Variants in SLC51B observed in about 807,000 individuals in gnomAD.
SLC51B encodes organic solute transporter subunit beta.
Under a neutral mutation model 8.0 loss-of-function variants are expected in SLC51B, and 6 were observed. The ratio of observed to expected loss-of-function variants is 0.75; its 90% CI spans 0.41 to 1.48. SLC51B has a LOEUF of 1.48. Ranked by LOEUF, SLC51B falls within the 40% of genes most tolerant of loss-of-function variation. The probability of loss-of-function intolerance (pLI) is 0.01; values close to 1 mark genes in which losing one functional copy is unlikely to be tolerated. For missense variants in SLC51B, 150 were observed against 149.7 expected, an observed-to-expected ratio of 1.00 and a Z score of -0.01; for synonymous variants, 61 against 54.8, an observed-to-expected ratio of 1.11 and a Z score of -0.50.
chr15:65,047,587 G>A (rs1408188254), intron 1 of SLC51B, among the ~76,000 whole-genome samples: 1 of 152,052 alleles, frequency 6.6e-6, no homozygotes. Context: ...ATGGCACAGG[G>A]GCCTGTGGCT....
At chr15:65,048,049 T>C (rs1198597172) in intron 1 of SLC51B, among the ~76,000 whole-genome samples, 1 of 152,076 alleles carries the variant, frequency 6.6e-6, no homozygotes, top group Non-Finnish European at 1.5e-5. Context: ...CGTGGTGGCA[T>C]GCCCTGTAGT....
rs1398608898 is a variant in SLC51B at position 65,051,575 on chromosome 15, T to G, written c.158T>G (p.Val53Gly). 6.2e-7 allele frequency: 1 copy of G among 1,613,554 alleles called. No individual in the cohort carries two copies. Among genetic ancestry groups the G allele is most frequent in the Non-Finnish European group, 8.5e-7 (1 of 1,179,724 alleles). ...GCTGTGGTGGTCATTATAAGCATGG[T>G]CCTCCTGGGAAGAAGCATCCAGGCA... is the stretch of plus-strand genomic sequence containing the variant. ...LAAVVVIISM[V>G]LLGRSIQASR... The change falls in exon 3 of 4, where the codon GTC (valine) becomes GGC (glycine). Residue 53 changes from valine to glycine, a missense_variant. Val to Gly is a moderately radical substitution (Grantham distance 109, BLOSUM62 -3). Transcript: ENST00000334287.
At chr15:65,050,652 A>T (rs111573357) in intron 2 of SLC51B, among the ~76,000 whole-genome samples, 39 of 152,070 alleles carry the variant, frequency 2.6e-4, no homozygotes, top group Non-Finnish European at 5.3e-4. Flanking sequence ...ACATTCCTGG[A>T]GGGAGGACAG....
At position 65,051,540 on chromosome 15, in the gene SLC51B, T is replaced by G; in HGVS notation, c.123T>G (p.Leu41=). The change falls in exon 3 of 4, where the codon CTT becomes CTG. Residue 41 remains leucine, a synonymous_variant. Coordinates refer to ENST00000334287, the MANE Select transcript of SLC51B (RefSeq NM_178859.4). ...CATCTCCCTGGAATCATTCCATCCTTGCCCTGGCAGCTGTGGTGGTCATTA... is the reference window on the plus strand; with the variant it reads ...CATCTCCCTGGAATCATTCCATCCTGGCCCTGGCAGCTGTGGTGGTCATTA... ...EDASPWNHSI[L]ALAAVVVIIS... 1.2e-6 allele frequency: 2 copies of G among 1,613,714 alleles called. No individual in the cohort carries two copies. The highest frequency in any genetic ancestry group is 1.7e-6 in the Non-Finnish European group (2 of 1,179,762).
chr15:65,048,636 C>T (rs529196775), intron 1 of SLC51B, among the ~76,000 whole-genome samples: 4 of 152,160 alleles, frequency 2.6e-5, no homozygotes, highest in Non-Finnish European at 4.4e-5. Context: ...ATTTTAGTTA[C>T]GTTTATCTCC....
At chr15:65,050,655 G>T (rs999517089) in intron 2 of SLC51B, among the ~76,000 whole-genome samples, 2 of 152,092 alleles carry the variant, frequency 1.3e-5, no homozygotes, top group Admixed American at 1.3e-4. Context: ...TTCCTGGAGG[G>T]AGGACAGCAA....
At chr15:65,045,797 A>G (rs1253894155) in intron 1 of SLC51B, among the ~76,000 whole-genome samples, 3 of 152,286 alleles carry the variant, frequency 2.0e-5, no homozygotes, top group Non-Finnish European at 4.4e-5. Flanking sequence ...CAAATAAGGC[A>G]TAAAGTTTAA....
chr15:65,051,756 C>A, intron 3 of SLC51B, 151 bp downstream of exon 3: 1 of 590,050 alleles, frequency 1.7e-6, no homozygotes, highest in Non-Finnish European at 2.9e-6. Flanking sequence ...TTCGAGAACC[C>A]CAAGCTGTTA....
chr15:65,052,451 A>C (rs985916298), intron 3 of SLC51B, among the ~76,000 whole-genome samples: 9 of 126,928 alleles, frequency 7.1e-5, no homozygotes, highest in African/African-American at 9.3e-5. Flanking sequence ...CCCAGGATGG[A>C]GTGCAGTGGC....
chr15:65,052,010 C>T (rs574625072), intron 3 of SLC51B, among the ~76,000 whole-genome samples: 123 of 152,262 alleles, frequency 8.1e-4, no homozygotes, highest in Non-Finnish European at 1.2e-3. Flanking sequence ...AGCTTACCAC[C>T]GCTGGGTCCC....
chr15:65,048,145 CACT>C (rs2086601333), intron 1 of SLC51B, among the ~76,000 whole-genome samples: 1 of 151,306 alleles, frequency 6.6e-6, no homozygotes, highest in Non-Finnish European at 1.5e-5. Context: ...CACGTCACTG[CACT>C]CCAGCCTGGG....
In SLC51B at chr15:65,053,150, G is replaced by A. The variant is rs1451023630; in HGVS notation, c.373G>A (p.Glu125Lys). The change falls in exon 4 of 4, where the codon GAA becomes AAA. Residue 125 changes from glutamate to lysine, a missense_variant. Physicochemically the swap from Glu to Lys is moderately conservative, Grantham distance 56. Transcript: ENST00000334287. ...GTCAGTTTTCCTTCCGGATGTACCA[G>A]AAACTGAGAGCTAGTGAGGGTTCAG... ...VLSVFLPDVP[E>K]TES The A allele has an allele frequency of 6.2e-7, 1 of 1,613,906 alleles. No homozygotes were observed. The highest frequency in any genetic ancestry group is 8.5e-7 in the Non-Finnish European group (1 of 1,180,048).
At chr15:65,046,770 G>A (rs933689408) in intron 1 of SLC51B, among the ~76,000 whole-genome samples, 1 of 151,744 alleles carries the variant, frequency 6.6e-6, no homozygotes, top group African/African-American at 2.4e-5. Flanking sequence ...AAAATTAGCC[G>A]GGCGTGGTGG....
chr15:65,051,554 T>G lies in SLC51B; in HGVS notation c.137T>G (p.Val46Gly), dbSNP rs1435965665. 1.2e-6 allele frequency: 2 copies of G among 1,613,738 alleles called. No homozygotes were observed. Among genetic ancestry groups the G allele is most frequent in the Non-Finnish European group, 1.7e-6 (2 of 1,179,808 alleles). ...CATTCCATCCTTGCCCTGGCAGCTG[T>G]GGTGGTCATTATAAGCATGGTCCTC... ...WNHSILALAA[V>G]VVIISMVLLG... Residue 46 changes from valine to glycine, a missense_variant, in exon 3 of 4, where the codon GTG becomes GGG. By Grantham distance (109) the Val-to-Gly change is moderately radical. Transcript: ENST00000334287.
intron 1 of SLC51B, among the ~76,000 whole-genome samples, chr15:65,048,782 G>A (rs900046869): frequency 6.6e-6 from 1 of 152,182 alleles, no homozygotes; most frequent in African/African-American, 2.4e-5. Flanking sequence ...GCCAAGGCGG[G>A]TGGATCACCT....
chr15:65,050,550 G>A (rs1027884339), intron 2 of SLC51B, among the ~76,000 whole-genome samples: 4 of 152,192 alleles, frequency 2.6e-5, no homozygotes, highest in African/African-American at 9.7e-5. Context: ...GTCAAGGAAG[G>A]CCTCACTAAA....
chr15:65,049,130 T>A (rs1218099459), intron 1 of SLC51B: 1 of 151,490 alleles, frequency 6.6e-6, no homozygotes, highest in Non-Finnish European at 1.5e-5. Context: ...TGCTAGAAAA[T>A]TTTATATTAA....
intron 1 of SLC51B, among the ~76,000 whole-genome samples, chr15:65,047,751 TG>T (rs1286023945): frequency 1.3e-5 from 2 of 151,662 alleles, no homozygotes; most frequent in African/African-American, 2.4e-5. Flanking sequence ...TGATTTTAGA[TG>T]GGTAGGTAGG....
chr15:65,052,977 T>C lies in SLC51B; in HGVS notation c.200T>C (p.Met67Thr), dbSNP rs2086675406. The change falls in exon 4 of 4, where the codon ATG (methionine) becomes ACG (threonine). Residue 67 changes from methionine (M) to threonine (T), a missense_variant. Transcript: ENST00000334287. ...RSIQASRKEK[M>T]QPPEKETPEV... ...CCCTGTCCCCCCAGAAAAGAAAAGA[T>C]GCAGCCACCAGAAAAAGAAACTCCA... 2 of 1,555,604 alleles carry C rather than the reference T, an allele frequency of 1.3e-6. No homozygotes were observed. Among genetic ancestry groups the C allele is most frequent in the Non-Finnish European group, 1.7e-6 (2 of 1,145,386 alleles).
Sources: gnomAD v4.1 joint callset for allele counts (sites outside exome capture counted in the v4.1 genomes callset) on GRCh38, gnomAD v4.1.1 for gene constraint, MANE v1.5 for transcripts, NCBI Gene and HGNC (gene_info 2026-07-23, HGNC 2026-07-21) for gene names.